Variants in GALNT17 observed in about 807,000 individuals in gnomAD.
GALNT17 encodes polypeptide N-acetylgalactosaminyltransferase 17, also known as UDP-GalNAc:polypeptide N-acetylgalactosaminyltransferase-like 3.
GALNT17 carries 29 observed loss-of-function variants against 63.7 expected under a neutral mutation model. The observed-to-expected ratio is 0.46, with a 90% CI of 0.34 to 0.62. GALNT17 has a LOEUF of 0.62. Among genes scored for constraint, GALNT17 ranks in the 20% least tolerant of loss-of-function variants. The pLI is 0.01. For synonymous variants in GALNT17, 305 were observed against 318.3 expected (o/e 0.96, Z 0.45); for missense variants, 603 against 799.6 (o/e 0.75, Z 2.97).
intron 6 of GALNT17, among the ~76,000 whole-genome samples, chr7:71,648,751 A>T (rs2117018921): frequency 6.6e-6 from 1 of 152,166 alleles, no homozygotes; most frequent in African/African-American, 2.4e-5. Flanking sequence ...GCTGCGTTTT[A>T]TGGCTAAGGA....
intron 6 of GALNT17, among the ~76,000 whole-genome samples, chr7:71,632,615 A>G (rs1421249004): frequency 6.6e-6 from 1 of 152,118 alleles, no homozygotes; most frequent in Non-Finnish European, 1.5e-5. Flanking sequence ...AGAATCTGGG[A>G]CCACGCTAGA....
chr7:71,342,843 T>G (rs1792029277), intron 2 of GALNT17, among the ~76,000 whole-genome samples: 1 of 152,214 alleles, frequency 6.6e-6, no homozygotes, highest in African/African-American at 2.4e-5. Flanking sequence ...GGAGACTGTG[T>G]ATGTTTTATT....
chr7:71,340,646 CAG>C (rs769744700), intron 2 of GALNT17, among the ~76,000 whole-genome samples: 1 of 152,152 alleles, frequency 6.6e-6, no homozygotes, highest in Non-Finnish European at 1.5e-5. Flanking sequence ...AAACAGTAAA[CAG>C]AAACAACAAA....
At chr7:71,707,971 C>T (rs141145646) in intron 9 of GALNT17, among the ~76,000 whole-genome samples, 10 of 152,286 alleles carry the variant, frequency 6.6e-5, no homozygotes, top group Admixed American at 1.3e-4. Context: ...GAAGGAATAG[C>T]GGAGGATGTG....
At chr7:71,564,239 G>A (rs548535195) in intron 5 of GALNT17, among the ~76,000 whole-genome samples, 12 of 149,316 alleles carry the variant, frequency 8.0e-5, no homozygotes, top group South Asian at 2.1e-4. Flanking sequence ...GATTTTGATC[G>A]TGACGGGCAA....
At chr7:71,412,307 G>T (rs117409490) in intron 3 of GALNT17, among the ~76,000 whole-genome samples, 84 of 152,038 alleles carry the variant, frequency 5.5e-4, no homozygotes, top group Middle Eastern at 3.4e-3. Context: ...GTTCCACAAC[G>T]TGTGGTTCTA....
At chr7:71,322,608 G>A (rs910862345) in intron 1 of GALNT17, among the ~76,000 whole-genome samples, 1 of 152,134 alleles carries the variant, frequency 6.6e-6, no homozygotes, top group Non-Finnish European at 1.5e-5. Context: ...TATAAACCAA[G>A]TTTTGTCCCC....
In GALNT17 at chr7:71,679,286, G is replaced by C. The variant is rs544771504; in HGVS notation, c.1500+1980G>C. Among the ~76,000 whole-genome samples, 7 of 152,128 alleles carry C rather than the reference G, an allele frequency of 4.6e-5. No homozygotes were observed. The South Asian group carries it at 1.2e-3, about 27-fold the overall frequency. On this transcript the variant is annotated intron_variant, in intron 9 of 10. Coordinates refer to ENST00000333538, the MANE Select transcript of GALNT17 (RefSeq NM_022479.3). The stretch of plus-strand genomic sequence containing the variant: ...AAATGAGTTGGGCGTGGTGGCACAC[G>C]ACTCAGGAAGCTGAGGTGAGGGGAT...
intron 1 of GALNT17, among the ~76,000 whole-genome samples, chr7:71,306,471 G>C (rs371346575): frequency 6.6e-6 from 1 of 151,750 alleles, no homozygotes; most frequent in East Asian, 1.9e-4. Flanking sequence ...CCTCATTTAA[G>C]TGAAATCATA....
chr7:71,141,880 ATG>A (rs1328637967), intron 1 of GALNT17, among the ~76,000 whole-genome samples: 17 of 71,676 alleles, frequency 2.4e-4, no homozygotes, highest in African/African-American at 8.0e-4. Flanking sequence ...GTGTGTGTGT[ATG>A]TGTGTATTTT....
chr7:71,481,309 G>A (rs570876475), intron 5 of GALNT17, among the ~76,000 whole-genome samples: 1 of 152,260 alleles, frequency 6.6e-6, no homozygotes, highest in East Asian at 1.9e-4. Context: ...AATTAGTCAG[G>A]GGTGGTGGGT....
chr7:71,626,336 C>T (rs1207466117), intron 6 of GALNT17, among the ~76,000 whole-genome samples: 1 of 152,060 alleles, frequency 6.6e-6, no homozygotes, highest in Non-Finnish European at 1.5e-5. Context: ...AGGAGAGATG[C>T]CTCAGATGTA....
intron 5 of GALNT17, among the ~76,000 whole-genome samples, chr7:71,434,404 A>G (rs1216881929): frequency 6.6e-6 from 1 of 152,178 alleles, no homozygotes; most frequent in Non-Finnish European, 1.5e-5. Flanking sequence ...AATCCTGGTC[A>G]ATTGCAGTGT....
intron 2 of GALNT17, among the ~76,000 whole-genome samples, chr7:71,374,491 G>A (rs897912192): frequency 5.9e-5 from 9 of 152,228 alleles, no homozygotes; most frequent in South Asian, 4.1e-4. Flanking sequence ...AGAGCCCCTC[G>A]TGAGGCTCAC....
At chr7:71,366,495 T>C (rs1054048010) in intron 2 of GALNT17, among the ~76,000 whole-genome samples, 6 of 152,104 alleles carry the variant, frequency 3.9e-5, no homozygotes, top group South Asian at 2.1e-4. Flanking sequence ...ACAGGAGAAT[T>C]GCTTGAACCT....
chr7:71,548,253 A>G (rs968715925), intron 5 of GALNT17, among the ~76,000 whole-genome samples: 4 of 152,080 alleles, frequency 2.6e-5, no homozygotes, highest in Non-Finnish European at 5.9e-5. Flanking sequence ...AAAAAAAAAA[A>G]AAAAGTTAAT....
chr7:71,309,318 G>T (rs562276706), intron 1 of GALNT17, among the ~76,000 whole-genome samples: 2 of 151,832 alleles, frequency 1.3e-5, no homozygotes, highest in African/African-American at 4.8e-5. Context: ...TTGCCATCCT[G>T]CCCAGCTACC....
chr7:71,146,468 A>T (rs1366330550), intron 1 of GALNT17, among the ~76,000 whole-genome samples: 1 of 152,136 alleles, frequency 6.6e-6, no homozygotes, highest in Non-Finnish European at 1.5e-5. Context: ...TGAAGGATGA[A>T]GGGGGAGGGG....
intron 6 of GALNT17, among the ~76,000 whole-genome samples, chr7:71,619,972 T>A (rs1429571528): frequency 6.6e-6 from 1 of 152,206 alleles, no homozygotes; most frequent in African/African-American, 2.4e-5. Flanking sequence ...ATTCGATGTC[T>A]TGTCTTTCGA....
Sources: allele counts gnomAD v4.1 joint callset (sites outside exome capture counted in the v4.1 genomes callset), GRCh38; gene constraint gnomAD v4.1.1; transcripts MANE v1.5; gene names NCBI Gene and HGNC (gene_info 2026-07-23, HGNC 2026-07-21).